The following RANBP17 variants were observed in gnomAD, a reference collection of about 807,000 sequenced individuals.
The protein encoded by RANBP17 is RAN binding protein 17.
A neutral mutation model predicts 141.2 loss-of-function variants in RANBP17; 158 were observed. The ratio of observed to expected loss-of-function variants is 1.12; its 90% CI spans 0.98 to 1.28. RANBP17 has a LOEUF of 1.28. RANBP17 is among the 50% of genes most tolerant of loss of function. The pLI is 0.00. For synonymous variants in RANBP17, 430 were observed against 450.0 expected (o/e 0.96, Z 0.56); for missense variants, 1,438 against 1,290.7 (o/e 1.11, Z -1.75).
intron 12 of RANBP17, among the ~76,000 whole-genome samples, chr5:170,934,789 T>C (rs1773719796): frequency 6.6e-6 from 1 of 152,172 alleles, no homozygotes; most frequent in Non-Finnish European, 1.5e-5. Context: ...TGTCTTGGAG[T>C]TGCTCTTCTC....
At chr5:170,862,642 C>T (rs1271242505) in intron 1 of RANBP17, among the ~76,000 whole-genome samples, 1 of 151,980 alleles carries the variant, frequency 6.6e-6, no homozygotes, top group Non-Finnish European at 1.5e-5. Flanking sequence ...GCCGCCTCTT[C>T]GGAGGAGGAA....
At chr5:170,993,043 G>C (rs1425714456) in intron 14 of RANBP17, among the ~76,000 whole-genome samples, 1 of 151,968 alleles carries the variant, frequency 6.6e-6, no homozygotes, top group Admixed American at 6.6e-5. Context: ...AACTAGGTTT[G>C]TTTGTTTGGT....
intron 25 of RANBP17, among the ~76,000 whole-genome samples, chr5:171,276,594 TG>T (rs1682913567): frequency 6.6e-6 from 1 of 152,200 alleles, no homozygotes; most frequent in South Asian, 2.1e-4. Context: ...TAAAGGGGAC[TG>T]TAATCTGTCA....
chr5:171,052,239 C>T (rs544052005), intron 14 of RANBP17, among the ~76,000 whole-genome samples: 1 of 152,216 alleles, frequency 6.6e-6, no homozygotes, highest in South Asian at 2.1e-4. Flanking sequence ...CTTTGAAGCT[C>T]AAGATTCTTT....
intron 3 of RANBP17, among the ~76,000 whole-genome samples, chr5:170,882,443 T>A (rs1332135085): frequency 6.6e-6 from 1 of 152,190 alleles, no homozygotes; most frequent in Admixed American, 6.5e-5. Flanking sequence ...TTAAGATTTG[T>A]ACTATCTCAT....
At chr5:171,288,705 G>C (rs1279923859) in intron 25 of RANBP17, among the ~76,000 whole-genome samples, 1 of 152,226 alleles carries the variant, frequency 6.6e-6, no homozygotes, top group Non-Finnish European at 1.5e-5. Context: ...AGAGCACTGA[G>C]CACCCAGAAG....
At chr5:171,240,347 C>A (rs1764787782) in intron 22 of RANBP17, among the ~76,000 whole-genome samples, 1 of 152,100 alleles carries the variant, frequency 6.6e-6, no homozygotes, top group Non-Finnish European at 1.5e-5. Context: ...CTCTTGAGAT[C>A]TTCTGAAGAA....
intron 13 of RANBP17, among the ~76,000 whole-genome samples, chr5:170,959,829 A>G (rs997245996): frequency 1.3e-5 from 2 of 152,218 alleles, no homozygotes; most frequent in African/African-American, 4.8e-5. Context: ...TATCCTCTTC[A>G]TCTTAAACAT....
chr5:171,293,805 C>A, intron 25 of RANBP17, 78 bp from the exon 26 acceptor site: 1 of 1,033,734 alleles, frequency 9.7e-7, no homozygotes, highest in African/African-American at 1.6e-5. Context: ...GGGGTGGAAT[C>A]TGAGCACATG....
intron 14 of RANBP17, among the ~76,000 whole-genome samples, chr5:171,168,406 A>G (rs1759851625): frequency 1.3e-5 from 2 of 152,144 alleles, no homozygotes; most frequent in African/African-American, 4.8e-5. Context: ...GGTTGAGGGA[A>G]ATGTGGAAGT....
chr5:171,055,905 A>G (rs1298464087), intron 14 of RANBP17, among the ~76,000 whole-genome samples: 1 of 149,448 alleles, frequency 6.7e-6, no homozygotes, highest in Admixed American at 6.7e-5. Context: ...AACAAAAAAA[A>G]AAACATTCTT....
At chr5:170,962,384 ATCT>A (rs1334558231) in intron 13 of RANBP17, among the ~76,000 whole-genome samples, 4 of 152,200 alleles carry the variant, frequency 2.6e-5, no homozygotes, top group Admixed American at 2.0e-4. Context: ...TTTGTTCCAC[ATCT>A]TCTTTGAATT....
intron 4 of RANBP17, among the ~76,000 whole-genome samples, chr5:170,894,177 T>G (rs949726340): frequency 6.6e-6 from 1 of 152,224 alleles, no homozygotes; most frequent in South Asian, 2.1e-4. Context: ...CACTTCAGAG[T>G]TGCATTTGTA....
At chr5:171,267,811 A>T (rs1306737809) in intron 25 of RANBP17, among the ~76,000 whole-genome samples, 2 of 152,118 alleles carry the variant, frequency 1.3e-5, no homozygotes, top group African/African-American at 4.8e-5. Context: ...AAAAAAAAAG[A>T]AAAAGAAAAA....
chr5:171,220,636 C>G (rs1763499436), intron 21 of RANBP17, among the ~76,000 whole-genome samples: 1 of 151,768 alleles, frequency 6.6e-6, no homozygotes, highest in South Asian at 2.1e-4. Flanking sequence ...TCAGGAGAGA[C>G]AGGGTTTCGC....
At chr5:171,242,961 A>G in intron 24 of RANBP17, 141 bp downstream of exon 24, 1 of 753,822 alleles carries the variant, frequency 1.3e-6, no homozygotes, top group East Asian at 2.5e-5. Flanking sequence ...TATTACTTGC[A>G]AGTGGGAAAA....
intron 14 of RANBP17, among the ~76,000 whole-genome samples, chr5:171,154,526 C>A (rs1415861736): frequency 1.3e-5 from 2 of 152,266 alleles, no homozygotes; most frequent in East Asian, 3.9e-4. Context: ...ATGATCTGCC[C>A]ACCTTGGCCT....
intron 4 of RANBP17, among the ~76,000 whole-genome samples, chr5:170,893,567 G>A (rs1315458446): frequency 6.6e-6 from 1 of 152,266 alleles, no homozygotes; most frequent in Admixed American, 6.5e-5. Flanking sequence ...GCCAAGGCGT[G>A]CGGATCATGA....
intron 13 of RANBP17, among the ~76,000 whole-genome samples, chr5:170,954,982 C>T (rs901688056): frequency 2.6e-5 from 4 of 152,142 alleles, no homozygotes; most frequent in Admixed American, 1.3e-4. Flanking sequence ...GTCAGATCAG[C>T]AGGGACATAG....
Sources: allele counts gnomAD v4.1 joint callset (sites outside exome capture counted in the v4.1 genomes callset), GRCh38; gene constraint gnomAD v4.1.1; transcripts MANE v1.5; gene names NCBI Gene and HGNC (gene_info 2026-07-23, HGNC 2026-07-21).